The following TGIF2 variants were observed in gnomAD, a reference collection of about 807,000 sequenced individuals.
TGIF2 encodes TGFB induced factor homeobox 2, also known as homeobox protein TGIF2.
In TGIF2, 5 loss-of-function variants were observed where a neutral mutation model predicts 15.1. That is an observed-to-expected ratio of 0.33 (90% confidence interval 0.17 to 0.70). TGIF2 has a LOEUF of 0.70. TGIF2 is among the 30% of genes least tolerant of loss of function. The probability of loss-of-function intolerance (pLI) is 0.67; values close to 1 mark genes in which losing one functional copy is unlikely to be tolerated. For missense variants in TGIF2, 264 were observed against 302.5 expected, an observed-to-expected ratio of 0.87 and a Z score of 0.94; for synonymous variants, 131 against 128.9, an observed-to-expected ratio of 1.02 and a Z score of -0.11.
Position 36,578,838 on chromosome 20 carries a change from A to G in TGIF2, c.64A>G (p.Arg22Gly), listed in dbSNP as rs749283428. Residue 22 changes from arginine to glycine, a missense_variant, in exon 2 of 3, where the codon AGG (arginine) becomes GGG (glycine). Arg to Gly is a moderately radical substitution (Grantham distance 125). Coordinates refer to ENST00000373872, the MANE Select transcript of TGIF2 (RefSeq NM_021809.7). ...LLSLAGKRKRRGNLPKESVKI... is the reference protein window; with the variant it reads ...LLSLAGKRKRGGNLPKESVKI... ...CTCCCTGGCGGGCAAAAGGAAGCGC[A>G]GGGGGAACCTGCCCAAGGAGTCGGT... The G allele has an allele frequency of 1.2e-6, 2 of 1,614,192 alleles. No individual in the cohort carries two copies. Among genetic ancestry groups the G allele is most frequent in the Middle Eastern group, 1.7e-4 (1 of 6,060 alleles).
intron 2 of TGIF2, among the ~76,000 whole-genome samples, chr20:36,590,564 GT>G (rs2038749585): frequency 6.6e-6 from 1 of 151,062 alleles, no homozygotes; most frequent in Admixed American, 6.6e-5. Flanking sequence ...CTTCATAGCT[GT>G]TTGTTTTGGT....
chr20:36,590,632 A>G (rs1302598845), intron 2 of TGIF2, among the ~76,000 whole-genome samples: 3 of 152,332 alleles, frequency 2.0e-5, no homozygotes, highest in Middle Eastern at 3.4e-3. Context: ...TGGTGCGATC[A>G]TAGCTCATTG....
chr20:36,580,539 C>T (rs952143839), intron 2 of TGIF2, among the ~76,000 whole-genome samples: 12 of 152,062 alleles, frequency 7.9e-5, no homozygotes, highest in Non-Finnish European at 1.0e-4. Context: ...GGGCCCTTCA[C>T]AGTGGCTCAC....
chr20:36,574,244 A>G (rs2038363879), intron 1 of TGIF2, among the ~76,000 whole-genome samples: 1 of 151,630 alleles, frequency 6.6e-6, no homozygotes, highest in Non-Finnish European at 1.5e-5. Flanking sequence ...CCTTTGGAAC[A>G]AAGGAAAGTC....
intron 2 of TGIF2, among the ~76,000 whole-genome samples, chr20:36,583,639 A>G (rs916323102): frequency 2.7e-5 from 4 of 149,780 alleles, no homozygotes; most frequent in Non-Finnish European, 5.9e-5. Context: ...GCTCATGCCT[A>G]TAATCCCAGC....
chr20:36,591,318 C>T lies in TGIF2; in HGVS notation c.601C>T (p.Leu201=). The T allele has an allele frequency of 6.2e-7, 1 of 1,614,214 alleles. No homozygotes were observed. Residue 201 remains leucine, a synonymous_variant, in exon 3 of 3, where the codon CTG becomes TTG. Coordinates refer to ENST00000373872, the MANE Select transcript of TGIF2 (RefSeq NM_021809.7). The surrounding 1 kb of genome is among the most constrained non-coding windows in gnomAD (Gnocchi z 5.3). The part of the protein sequence containing the change: ...DKEDFSSFQL[L]VEVALQRAAE... ...AGAGGACTTCAGCAGCTTCCAGCTG[C>T]TGGTGGAGGTGGCGCTACAGAGGGC...
chr20:36,585,540 G>T (rs896806271), intron 2 of TGIF2, among the ~76,000 whole-genome samples: 16 of 151,146 alleles, frequency 1.1e-4, no homozygotes, highest in Non-Finnish European at 1.9e-4. Context: ...CAGTCACTCG[G>T]CTTGAACAAG....
rs1172433090 is a variant in TGIF2, at chr20:36,593,905, TTG to T, written c.*2476_*2477del. 1 of 150,802 alleles carries T rather than the reference TTG, an allele frequency of 6.6e-6. No individual in the cohort carries two copies. The highest frequency in any genetic ancestry group is 2.5e-5 in the African/African-American group (1 of 39,706). The allele number at this position is 150,802 out of a possible 1,614,324, so 9.3% of individuals were successfully genotyped here. A position where few individuals can be genotyped will look rare whatever the true frequency, so the allele number is the denominator to read the frequency against. ...GCAAAAACTACTGTAAATAACTTTT[TTG>T]TCTTTTGTCAAATAAAATTTTTTTT... On this transcript the variant is annotated 3_prime_UTR_variant, in exon 3 of 3. Coordinates refer to ENST00000373872, the MANE Select transcript of TGIF2 (RefSeq NM_021809.7).
Position 36,591,406 on chromosome 20 carries a change from C to T in TGIF2, c.689C>T (p.Pro230Leu). ...PSLPLLHTPIPLVSENPQ is the reference protein window; with the variant it reads ...PSLPLLHTPILLVSENPQ Reference sequence around the variant, plus strand: ...CTCCCATTACTGCACACTCCCATCCCTTTAGTCTCTGAAAATCCCCAGTAG... The same window carrying T: ...CTCCCATTACTGCACACTCCCATCCTTTTAGTCTCTGAAAATCCCCAGTAG... The change falls in exon 3 of 3, where the codon CCT (proline) becomes CTT (leucine). Residue 230 changes from proline (P) to leucine (L), a missense_variant. By Grantham distance (98) the Pro-to-Leu change is moderately conservative. Transcript: ENST00000373872. This position sits in a 1 kb window ranked among gnomAD's most constrained non-coding sequence, Gnocchi z 5.3. 6.2e-7 allele frequency: 1 copy of T among 1,608,772 alleles called. No homozygotes were observed. The highest frequency in any genetic ancestry group is 8.5e-7 in the Non-Finnish European group (1 of 1,175,934).
chr20:36,586,368 T>C (rs2038658351), intron 2 of TGIF2, among the ~76,000 whole-genome samples: 2 of 151,950 alleles, frequency 1.3e-5, no homozygotes, highest in African/African-American at 4.8e-5. Context: ...ACTAGATCAA[T>C]AAAGCAGAGG....
At chr20:36,576,028 A>G (rs1474218273) in intron 1 of TGIF2, among the ~76,000 whole-genome samples, 7 of 151,554 alleles carry the variant, frequency 4.6e-5, no homozygotes. Context: ...GGAGATGGAG[A>G]TTGCAGTGAG....
chr20:36,577,730 G>C (rs1051319094), intron 1 of TGIF2, among the ~76,000 whole-genome samples: 3 of 150,180 alleles, frequency 2.0e-5, no homozygotes, highest in Non-Finnish European at 4.4e-5. Flanking sequence ...TGGCCAGGAT[G>C]GTCTCAATCT....
intron 2 of TGIF2, among the ~76,000 whole-genome samples, chr20:36,590,254 G>A (rs767267775): frequency 1.3e-5 from 2 of 152,204 alleles, no homozygotes; most frequent in Non-Finnish European, 2.9e-5. Flanking sequence ...ACCGTGCCCA[G>A]CCGGGGGAGG....
chr20:36,589,683 G>A (rs561806591), intron 2 of TGIF2, among the ~76,000 whole-genome samples: 2 of 151,824 alleles, frequency 1.3e-5, no homozygotes, highest in Admixed American at 6.6e-5. Flanking sequence ...GAGCCACCAC[G>A]CTCGACCGAC....
intron 2 of TGIF2, among the ~76,000 whole-genome samples, chr20:36,586,693 T>C (rs1161083257): frequency 5.0e-4 from 61 of 121,892 alleles, no homozygotes; most frequent in African/African-American, 5.8e-4. Context: ...AGACTCCATT[T>C]CCCCCCCCCC....
chr20:36,586,306 C>A (rs181413953), intron 2 of TGIF2, among the ~76,000 whole-genome samples: 2 of 152,178 alleles, frequency 1.3e-5, no homozygotes, highest in African/African-American at 4.8e-5. Flanking sequence ...GGCGGCCAGA[C>A]TTTCTGGGTA....
At chr20:36,582,189 A>G (rs2038559962) in intron 2 of TGIF2, among the ~76,000 whole-genome samples, 1 of 152,086 alleles carries the variant, frequency 6.6e-6, no homozygotes, top group African/African-American at 2.4e-5. Context: ...GTGAGCCAAG[A>G]TCATGCCATT....
chr20:36,586,700 C>A (rs1413388781), intron 2 of TGIF2, among the ~76,000 whole-genome samples: 4 of 146,896 alleles, frequency 2.7e-5, no homozygotes, highest in African/African-American at 1.0e-4. Flanking sequence ...ATTTCCCCCC[C>A]CCCAAAAAAA....
chr20:36,578,861 G>A lies in TGIF2; in HGVS notation c.87G>A (p.Ser29=), dbSNP rs142209425. The A allele has an allele frequency of 8.6e-5, 139 of 1,614,132 alleles. No homozygotes were observed. The highest frequency in any genetic ancestry group is 1.7e-4 in the Admixed American group (10 of 60,008). ...RKRRGNLPKE[S]VKILRDWLYL... ...GCAGGGGGAACCTGCCCAAGGAGTC[G>A]GTGAAGATCCTCCGGGACTGGCTGT... Residue 29 remains serine, a synonymous_variant, in exon 2 of 3, where the codon TCG becomes TCA. Coordinates refer to ENST00000373872, the MANE Select transcript of TGIF2 (RefSeq NM_021809.7).
Sources: gnomAD v4.1 joint callset for allele counts (sites outside exome capture counted in the v4.1 genomes callset) on GRCh38, gnomAD v4.1.1 for gene constraint, Gnocchi (gnomAD v3.1) non-coding constraint, MANE v1.5 for transcripts, NCBI Gene and HGNC (gene_info 2026-07-23, HGNC 2026-07-21) for gene names.